Variants in IL20RA observed in about 807,000 individuals in gnomAD.
IL20RA encodes the protein interleukin-20 receptor subunit alpha.
IL20RA carries 29 observed loss-of-function variants against 36.5 expected under a neutral mutation model. The ratio of observed to expected loss-of-function variants is 0.79; its 90% CI spans 0.59 to 1.08. The LOEUF is 1.08. IL20RA is among the 50% of genes least tolerant of loss of function. The pLI is 0.00. For missense variants in IL20RA, 652 were observed against 668.4 expected, an observed-to-expected ratio of 0.98 and a Z score of 0.27; for synonymous variants, 279 against 267.1, an observed-to-expected ratio of 1.04 and a Z score of -0.43.
intron 5 of IL20RA, among the ~76,000 whole-genome samples, chr6:137,006,483 T>G (rs914596680): frequency 1.3e-5 from 2 of 152,216 alleles, no homozygotes; most frequent in African/African-American, 4.8e-5. Context: ...CTGATAGCAT[T>G]TAGTATACAC....
At chr6:137,022,580 G>T (rs1744706697) in intron 1 of IL20RA, among the ~76,000 whole-genome samples, 2 of 152,044 alleles carry the variant, frequency 1.3e-5, no homozygotes, top group Non-Finnish European at 2.9e-5. Flanking sequence ...TATTTATTGG[G>T]TATGCTTATG....
chr6:137,018,114 A>C (rs944083718), intron 1 of IL20RA, among the ~76,000 whole-genome samples: 3 of 152,216 alleles, frequency 2.0e-5, no homozygotes, highest in African/African-American at 7.2e-5. Flanking sequence ...TAAAATATTA[A>C]TACTGCCAAT....
At chr6:137,023,561 A>G (rs1775984796) in intron 1 of IL20RA, among the ~76,000 whole-genome samples, 1 of 152,206 alleles carries the variant, frequency 6.6e-6, no homozygotes, top group African/African-American at 2.4e-5. Flanking sequence ...GGGAGAAGCC[A>G]GTGAGACCAT....
chr6:137,037,321 T>C (rs1008234723), intron 1 of IL20RA, among the ~76,000 whole-genome samples: 7 of 152,294 alleles, frequency 4.6e-5, no homozygotes, highest in Middle Eastern at 3.4e-3. Context: ...CAATTTCGTA[T>C]AGATAATATT....
At chr6:137,012,384 G>A (rs564569595) in intron 2 of IL20RA, among the ~76,000 whole-genome samples, 1 of 152,324 alleles carries the variant, frequency 6.6e-6, no homozygotes, top group East Asian at 1.9e-4. Flanking sequence ...GGGCAGATGG[G>A]TGGAATGGTG....
rs78812012 is a variant in IL20RA at position 137,009,295 on chromosome 6, C to G, written c.579+22G>C. ...CTACAGAGTGGTACATGAATGTATGCCCCATTCCATTTCAGGCTTACCGTT... is the reference window on the plus strand; with the variant it reads ...CTACAGAGTGGTACATGAATGTATGGCCCATTCCATTTCAGGCTTACCGTT... On this transcript the variant is annotated intron_variant, in intron 4 of 6. Transcript: ENST00000316649. 2.3e-3 allele frequency: 3,684 copies of G among 1,587,798 alleles called. 63 individuals are homozygous for G. In the African/African-American group the frequency reaches 0.042, roughly 18 times the overall value.
intron 1 of IL20RA, among the ~76,000 whole-genome samples, chr6:137,020,886 G>A (rs1775875294): frequency 6.6e-6 from 1 of 152,134 alleles, no homozygotes; most frequent in Admixed American, 6.5e-5. Flanking sequence ...GGCAGAAAAT[G>A]TTTCAGTTTT....
In IL20RA at chr6:137,009,366, G is replaced by T. The variant is rs146644651; in HGVS notation, c.530C>A (p.Ser177Tyr). ...CACAGACACGTTATACTTCAGATTGGAGTATATTTGTTGCATGGAAACAGG... is the reference window on the plus strand; with the variant it reads ...CACAGACACGTTATACTTCAGATTGTAGTATATTTGTTGCATGGAAACAGG... ...DLPVSMQQIY[S>Y]NLKYNVSVLN... is the part of the protein sequence containing the mutation. Residue 177 changes from serine to tyrosine, a missense_variant, in exon 4 of 7, where the codon TCC (serine) becomes TAC (tyrosine). Physicochemically the swap from Ser to Tyr is moderately radical, Grantham distance 144. Coordinates refer to ENST00000316649, the MANE Select transcript of IL20RA (RefSeq NM_014432.4). 5.3e-3 allele frequency: 8,541 copies of T among 1,612,408 alleles called. 32 individuals are homozygous for T. Among genetic ancestry groups the T allele is most frequent in the Non-Finnish European group, 6.5e-3 (7,637 of 1,178,512 alleles).
Position 137,001,718 on chromosome 6 carries a change from G to A in IL20RA, c.1502C>T (p.Ser501Leu), listed in dbSNP as rs1775045022. ...CCCCTCAGAAGGCTCGCAGCCCTCTGAATCCTGGTCGAAGCTGGACAGCGA... is the reference window on the plus strand; with the variant it reads ...CCCCTCAGAAGGCTCGCAGCCCTCTAAATCCTGGTCGAAGCTGGACAGCGA... Reference protein sequence around the residue: ...IPSLSSFDQDSEGCEPSEGDG... With the variant: ...IPSLSSFDQDLEGCEPSEGDG... The change falls in exon 7 of 7, where the codon TCA becomes TTA. Residue 501 changes from serine to leucine, a missense_variant. By Grantham distance (145) the Ser-to-Leu change is moderately radical. Coordinates refer to ENST00000316649, the MANE Select transcript of IL20RA (RefSeq NM_014432.4). 2 of 1,614,034 alleles carry A rather than the reference G, an allele frequency of 1.2e-6. No individual in the cohort carries two copies. Among genetic ancestry groups the A allele is most frequent in the Middle Eastern group, 1.6e-4 (1 of 6,062 alleles).
In IL20RA at chr6:137,017,022, G is replaced by C. The variant is rs565601068; in HGVS notation, c.170C>G (p.Thr57Ser). The change falls in exon 2 of 7, where the codon ACT becomes AGT. Residue 57 changes from threonine to serine, a missense_variant. By Grantham distance (58) the Thr-to-Ser change is moderately conservative. Coordinates refer to ENST00000316649, the MANE Select transcript of IL20RA (RefSeq NM_014432.4). ...AACTCCTTGAAGACCCTCTGGTGGA[G>C]TCCATTGTAGGACATTCTTCATGTT... ...SINMKNVLQW[T>S]PPEGLQGVKV... 1.2e-6 allele frequency: 2 copies of C among 1,612,774 alleles called. No individual in the cohort carries two copies. The highest frequency in any genetic ancestry group is 8.5e-7 in the Non-Finnish European group (1 of 1,178,724).
chr6:137,036,444 G>C (rs994958801), intron 1 of IL20RA, among the ~76,000 whole-genome samples: 3 of 152,108 alleles, frequency 2.0e-5, no homozygotes, highest in Non-Finnish European at 4.4e-5. Flanking sequence ...AGGTCATCAG[G>C]GTGGGCCGAA....
chr6:137,011,546 A>G (rs899384920), intron 2 of IL20RA, 94 bp from the exon 3 acceptor site: 1 of 805,994 alleles, frequency 1.2e-6, no homozygotes, highest in Non-Finnish European at 1.8e-6. Context: ...GGAACTGACG[A>G]CCTTCTCTTC....
chr6:137,041,013 A>T (rs1776675068), intron 1 of IL20RA, among the ~76,000 whole-genome samples: 1 of 152,234 alleles, frequency 6.6e-6, no homozygotes, highest in African/African-American at 2.4e-5. Context: ...CATCACCAAT[A>T]AGAAGACATG....
chr6:137,042,026 T>C (rs371135620), intron 1 of IL20RA, among the ~76,000 whole-genome samples: 1 of 152,022 alleles, frequency 6.6e-6, no homozygotes, highest in African/African-American at 2.4e-5. Flanking sequence ...TGTGTTTTCA[T>C]TGTTGAACTC....
rs1462472431 is a variant in IL20RA at position 137,044,846 on chromosome 6, C to G, written c.-118G>C. On this transcript the variant is annotated 5_prime_UTR_variant, in exon 1 of 7. Coordinates refer to ENST00000316649, the MANE Select transcript of IL20RA (RefSeq NM_014432.4). The stretch of plus-strand genomic sequence containing the variant: ...CGCCTGGGGCTCTGCGTGCCACGCT[C>G]CAGGCGACCTGAGTCCCAGGGCGCC... The G allele has an allele frequency of 1.0e-6, 1 of 986,944 alleles. No homozygotes were observed. The highest frequency in any genetic ancestry group is 3.8e-5 in the East Asian group (1 of 26,632). The allele number at this position is 986,944 out of a possible 1,614,324, so 61.1% of individuals were successfully genotyped here.
intron 1 of IL20RA, 75 bp downstream of exon 1, chr6:137,044,566 G>A: frequency 1.7e-6 from 2 of 1,203,676 alleles, no homozygotes; most frequent in South Asian, 8.6e-5. Flanking sequence ...GGGAGAGCTC[G>A]GCCTCGAGCT....
intron 1 of IL20RA, among the ~76,000 whole-genome samples, chr6:137,029,302 G>A (rs1221792253): frequency 1.3e-5 from 2 of 152,148 alleles, no homozygotes; most frequent in African/African-American, 4.8e-5. Context: ...GAGGCCAGGA[G>A]TTTGAGATCA....
chr6:137,017,819 A>G (rs1210515845), intron 1 of IL20RA, among the ~76,000 whole-genome samples: 1 of 152,204 alleles, frequency 6.6e-6, no homozygotes, highest in East Asian at 1.9e-4. Context: ...ACTGTATCCT[A>G]GAGGATTAAT....
chr6:137,036,505 A>G (rs570753739), intron 1 of IL20RA, among the ~76,000 whole-genome samples: 48 of 152,344 alleles, frequency 3.2e-4, no homozygotes, highest in Admixed American at 7.8e-4. Context: ...ACACAGACAG[A>G]CATGCAGAGT....
Sources: allele counts gnomAD v4.1 joint callset (sites outside exome capture counted in the v4.1 genomes callset), GRCh38; gene constraint gnomAD v4.1.1; transcripts MANE v1.5; gene names NCBI Gene and HGNC (gene_info 2026-07-23, HGNC 2026-07-21).